THSD4: variants seen among roughly 807,000 people sequenced by gnomAD.
The protein encoded by THSD4 is thrombospondin type-1 domain-containing protein 4.
In THSD4, 69 loss-of-function variants were observed where a neutral mutation model predicts 119.0. That is an observed-to-expected ratio of 0.58 (90% CI 0.48 to 0.71). THSD4 has a LOEUF of 0.71. Among genes scored for constraint, THSD4 ranks in the 30% least tolerant of loss-of-function variants. The pLI is 0.00. For missense variants in THSD4, 1,393 were observed against 1,391.1 expected (o/e 1.00, Z -0.02); for synonymous variants, 524 against 540.4 (o/e 0.97, Z 0.42).
intron 6 of THSD4, among the ~76,000 whole-genome samples, chr15:71,372,848 T>C (rs1286601065): frequency 1.3e-5 from 2 of 152,212 alleles, no homozygotes; most frequent in Admixed American, 6.5e-5. Context: ...CTGCCGCCTT[T>C]TGTTCAGCTA....
At chr15:71,650,715 A>G (rs980685534) in intron 7 of THSD4, among the ~76,000 whole-genome samples, 6 of 152,184 alleles carry the variant, frequency 3.9e-5, no homozygotes, top group African/African-American at 1.4e-4. Context: ...AGACTAGGAC[A>G]CTTCCTGTTT....
rs945107766 is a variant in THSD4 at position 71,388,661 on chromosome 15, AGAGTGTGTGT to A, written c.1016-23024_1016-23015del. 1.0e-3 allele frequency among the ~76,000 whole-genome samples: 144 copies of A among 142,088 alleles called. 4 individuals are homozygous for A. The South Asian group carries it at 0.029, about 28-fold the overall frequency. 93.2% of individuals were successfully genotyped at this position (142,088 alleles called of 152,430 possible). Reference sequence around the variant, plus strand: ...CGAGTATTGATTTGATTCTTTGGAGAGAGTGTGTGTGTGTGTGTGTGTGTGTGTGTGTAGG... The same window carrying A: ...CGAGTATTGATTTGATTCTTTGGAGAGTGTGTGTGTGTGTGTGTGTGTAGG... On this transcript the variant is annotated intron_variant, in intron 6 of 17. Coordinates refer to ENST00000261862, the MANE Select transcript of THSD4 (RefSeq NM_024817.3).
At chr15:71,704,441 A>T (rs1457337765) in intron 8 of THSD4, among the ~76,000 whole-genome samples, 1 of 152,036 alleles carries the variant, frequency 6.6e-6, no homozygotes. Context: ...TATAAAGGGG[A>T]ATTCCCCTGC....
At chr15:71,142,904 A>G (rs1316197124) in intron 2 of THSD4, among the ~76,000 whole-genome samples, 2 of 152,238 alleles carry the variant, frequency 1.3e-5, no homozygotes, top group Non-Finnish European at 2.9e-5. Flanking sequence ...TATATAGCAT[A>G]TTACATATGA....
intron 7 of THSD4, among the ~76,000 whole-genome samples, chr15:71,471,380 G>T (rs1227932135): frequency 6.6e-6 from 1 of 152,096 alleles, no homozygotes; most frequent in Non-Finnish European, 1.5e-5. Flanking sequence ...ACTCTCTGGG[G>T]TGGTAAATGT....
At chr15:71,746,405 CTTTTT>C (rs1567132858) in intron 12 of THSD4, among the ~76,000 whole-genome samples, 7 of 151,802 alleles carry the variant, frequency 4.6e-5, no homozygotes, top group Admixed American at 1.3e-4. Flanking sequence ...TTTTTCTTTT[CTTTTT>C]TTGAGACAGG....
intron 8 of THSD4, among the ~76,000 whole-genome samples, chr15:71,714,272 T>TG (rs936633581): frequency 7.2e-5 from 11 of 151,898 alleles, no homozygotes; most frequent in African/African-American, 1.9e-4. Context: ...TGTTGTGTGT[T>TG]GGGGGGGGAG....
chr15:71,771,338 T>A, intron 17 of THSD4, 130 bp downstream of exon 17: 1 of 1,199,202 alleles, frequency 8.3e-7, no homozygotes, highest in Non-Finnish European at 1.2e-6. Context: ...GTTCAGAGGG[T>A]TGAGGTGCTT....
rs1443705086 is a variant in THSD4, at chr15:71,174,289, G to A, written c.99+19357G>A. On this transcript the variant is annotated intron_variant, in intron 3 of 17. Coordinates refer to ENST00000261862, the MANE Select transcript of THSD4 (RefSeq NM_024817.3). The stretch of plus-strand genomic sequence containing the variant: ...ACAGTGGGCGCAGGCCAGTGTGTGC[G>A]CGCGCCGAAGCAGGGCGAGGCATTG... Among the ~76,000 whole-genome samples the A allele has an allele frequency of 8.5e-5, 13 of 152,070 alleles. 1 individual carries two copies. Among genetic ancestry groups the A allele is most frequent in the Admixed American group, 2.6e-4 (4 of 15,280 alleles).
chr15:71,588,163 G>A (rs1042208040), intron 7 of THSD4, among the ~76,000 whole-genome samples: 4 of 151,532 alleles, frequency 2.6e-5, no homozygotes, highest in South Asian at 2.1e-4. Context: ...AAAATTAGCC[G>A]GGCGTGGTAG....
intron 7 of THSD4, among the ~76,000 whole-genome samples, chr15:71,643,887 AGTTT>A (rs1324159980): frequency 6.6e-6 from 1 of 152,250 alleles, no homozygotes; most frequent in African/African-American, 2.4e-5. Flanking sequence ...AAATGGGAGC[AGTTT>A]GTTCCAAAGG....
At chr15:71,206,969 C>T (rs2043848979) in intron 3 of THSD4, among the ~76,000 whole-genome samples, 1 of 152,278 alleles carries the variant, frequency 6.6e-6, no homozygotes. Flanking sequence ...GGCTCTGTTC[C>T]TATGCTACAG....
chr15:71,201,110 T>G (rs2043800239), intron 3 of THSD4, among the ~76,000 whole-genome samples: 1 of 152,150 alleles, frequency 6.6e-6, no homozygotes, highest in South Asian at 2.1e-4. Flanking sequence ...TAGCTTGAAC[T>G]TGAGGCCTAA....
chr15:71,235,353 T>C (rs765318561), intron 4 of THSD4, among the ~76,000 whole-genome samples: 1 of 152,218 alleles, frequency 6.6e-6, no homozygotes, highest in Non-Finnish European at 1.5e-5. Context: ...AAAGGCTCTC[T>C]TTAAGCCACA....
At chr15:71,673,881 C>T (rs1020291233) in intron 8 of THSD4, among the ~76,000 whole-genome samples, 17 of 152,112 alleles carry the variant, frequency 1.1e-4, no homozygotes, top group African/African-American at 2.7e-4. Flanking sequence ...CTCAGCCTCC[C>T]GAGTAGCTGG....
chr15:71,137,816 A>C (rs1164244990), intron 1 of THSD4, among the ~76,000 whole-genome samples: 1 of 152,294 alleles, frequency 6.6e-6, no homozygotes, highest in East Asian at 1.9e-4. Flanking sequence ...TTTTGATTGC[A>C]CTGATTGTAA....
intron 6 of THSD4, among the ~76,000 whole-genome samples, chr15:71,278,089 T>C (rs2044612301): frequency 1.3e-5 from 2 of 152,252 alleles, no homozygotes; most frequent in African/African-American, 4.8e-5. Flanking sequence ...TGTTGACAAA[T>C]GTCTGCTTAA....
At chr15:71,693,126 G>C (rs894334032) in intron 8 of THSD4, among the ~76,000 whole-genome samples, 5 of 151,152 alleles carry the variant, frequency 3.3e-5, no homozygotes, top group Admixed American at 2.1e-4. Flanking sequence ...TGGGGAGGGT[G>C]GGGGGAAACC....
intron 8 of THSD4, among the ~76,000 whole-genome samples, chr15:71,682,098 C>T (rs1033805598): frequency 2.0e-5 from 3 of 152,132 alleles, no homozygotes; most frequent in African/African-American, 4.8e-5. Context: ...CATAGTTCAA[C>T]CCAAGGTCTT....
Sources: gnomAD v4.1 joint callset for allele counts (sites outside exome capture counted in the v4.1 genomes callset) on GRCh38, gnomAD v4.1.1 for gene constraint, MANE v1.5 for transcripts, NCBI Gene and HGNC (gene_info 2026-07-23, HGNC 2026-07-21) for gene names.